PDGFRL: variants seen among roughly 807,000 people sequenced by gnomAD.
The protein encoded by PDGFRL is platelet derived growth factor receptor like.
Under a neutral mutation model 37.2 loss-of-function variants are expected in PDGFRL, and 46 were observed. That is an observed-to-expected ratio of 1.24 (90% CI 0.98 to 1.58). The LOEUF (loss-of-function observed/expected upper bound fraction) is 1.58, where lower values mean the gene tolerates loss of function less well. Among genes scored for constraint, PDGFRL ranks in the 40% most tolerant of loss-of-function variants. The pLI is 0.00. For synonymous variants in PDGFRL, 251 were observed against 184.3 expected (o/e 1.36, Z -2.93); for missense variants, 692 against 467.6 (o/e 1.48, Z -4.43).
chr8:17,625,610 G>A (rs1804718268), intron 3 of PDGFRL, among the ~76,000 whole-genome samples: 3 of 152,216 alleles, frequency 2.0e-5, no homozygotes, highest in Admixed American at 2.0e-4. Context: ...GGAAGCTACG[G>A]ATTGCAAATA....
intron 1 of PDGFRL, among the ~76,000 whole-genome samples, chr8:17,585,301 C>T (rs1390194890): frequency 1.5e-4 from 23 of 152,088 alleles, no homozygotes; most frequent in Admixed American, 1.4e-3. Context: ...ATGCCTTTAC[C>T]TCCTGGGAAT....
upstream of PDGFRL, chr8:17,576,838 G>T: frequency 3.2e-6 from 1 of 313,360 alleles, no homozygotes. Flanking sequence ...CTCAGGTTCT[G>T]CCTGAGGAGG....
intron 2 of PDGFRL, among the ~76,000 whole-genome samples, chr8:17,591,686 C>T (rs1461245499): frequency 6.6e-6 from 1 of 152,124 alleles, no homozygotes; most frequent in Non-Finnish European, 1.5e-5. Flanking sequence ...GAGGCCAAGG[C>T]GGGCGGATCG....
intron 2 of PDGFRL, among the ~76,000 whole-genome samples, chr8:17,604,254 T>C (rs1357172107): frequency 1.3e-5 from 2 of 152,210 alleles, no homozygotes; most frequent in African/African-American, 2.4e-5. Flanking sequence ...CAAAGAGTTA[T>C]AAATCATGCT....
chr8:17,620,789 A>C lies in PDGFRL; in HGVS notation c.354-262A>C, dbSNP rs1321377894. ...GCCGAATAATCCATCATGTTGCTCA[A>C]ATTGTTTTAGAATGAACTTTAAAAG... On this transcript the variant is annotated intron_variant, in intron 2 of 5. Transcript: ENST00000251630. Among the ~76,000 whole-genome samples the C allele has an allele frequency of 2.0e-5, 3 of 152,132 alleles. No individual in the cohort carries two copies. In the East Asian group the frequency reaches 5.8e-4, roughly 29 times the overall value.
chr8:17,596,591 A>G (rs1332050780), intron 2 of PDGFRL, among the ~76,000 whole-genome samples: 2 of 152,224 alleles, frequency 1.3e-5, no homozygotes, highest in African/African-American at 4.8e-5. Context: ...ATTAAAATGC[A>G]TTTGAAAACA....
At chr8:17,598,342 T>A (rs950251996) in intron 2 of PDGFRL, among the ~76,000 whole-genome samples, 1 of 152,220 alleles carries the variant, frequency 6.6e-6, no homozygotes, top group Non-Finnish European at 1.5e-5. Flanking sequence ...TTCTTTATAA[T>A]CTGGGATCTG....
At chr8:17,606,446 A>G (rs966305260) in intron 2 of PDGFRL, among the ~76,000 whole-genome samples, 4 of 152,178 alleles carry the variant, frequency 2.6e-5, no homozygotes, top group African/African-American at 9.7e-5. Flanking sequence ...GTGGCCAGTC[A>G]AAAGGAAACG....
chr8:17,621,992 C>T (rs1489676593), intron 3 of PDGFRL, among the ~76,000 whole-genome samples: 1 of 152,122 alleles, frequency 6.6e-6, no homozygotes, highest in African/African-American at 2.4e-5. Flanking sequence ...CTTGTGAATA[C>T]TATGAGCTGA....
chr8:17,605,880 C>T (rs987831493), intron 2 of PDGFRL, among the ~76,000 whole-genome samples: 1 of 152,078 alleles, frequency 6.6e-6, no homozygotes, highest in Non-Finnish European at 1.5e-5. Context: ...CCTCGGAAAA[C>T]AATAAATAGC....
At chr8:17,577,501 G>A (rs1398555207) in intron 1 of PDGFRL, among the ~76,000 whole-genome samples, 194 bp downstream of exon 1, 2 of 151,938 alleles carry the variant, frequency 1.3e-5, no homozygotes, top group African/African-American at 2.4e-5. Context: ...TGCCTGCCCG[G>A]AGAGCCCTCT....
intron 2 of PDGFRL, among the ~76,000 whole-genome samples, chr8:17,594,518 A>C (rs1456700435): frequency 6.6e-6 from 1 of 151,642 alleles, no homozygotes; most frequent in East Asian, 1.9e-4. Flanking sequence ...CTGGGATTCC[A>C]GGTGTAAGCC....
intron 2 of PDGFRL, among the ~76,000 whole-genome samples, chr8:17,593,469 A>T (rs1423988280): frequency 6.6e-6 from 1 of 151,092 alleles, no homozygotes; most frequent in East Asian, 1.9e-4. Context: ...TTTGTAGTGC[A>T]TTCCTGTAGT....
intron 2 of PDGFRL, among the ~76,000 whole-genome samples, chr8:17,604,266 C>A (rs2129674354): frequency 6.6e-6 from 1 of 152,238 alleles, no homozygotes; most frequent in East Asian, 1.9e-4. Context: ...AATCATGCTG[C>A]TATAAAGACA....
intron 2 of PDGFRL, among the ~76,000 whole-genome samples, chr8:17,605,173 G>C (rs970903181): frequency 1.3e-5 from 2 of 152,012 alleles, no homozygotes; most frequent in Non-Finnish European, 2.9e-5. Flanking sequence ...AGGAGGGAGA[G>C]AGACTGAAAG....
At chr8:17,602,584 G>A (rs950937602) in intron 2 of PDGFRL, among the ~76,000 whole-genome samples, 1 of 152,130 alleles carries the variant, frequency 6.6e-6, no homozygotes, top group Non-Finnish European at 1.5e-5. Flanking sequence ...TTTTCTTGGT[G>A]GAATAGCTTT....
chr8:17,605,988 G>A (rs1158037184), intron 2 of PDGFRL, among the ~76,000 whole-genome samples: 2 of 152,194 alleles, frequency 1.3e-5, no homozygotes, highest in South Asian at 2.1e-4. Flanking sequence ...TGGGCCGATG[G>A]AGCAGAGAGT....
intron 2 of PDGFRL, among the ~76,000 whole-genome samples, chr8:17,617,297 T>C (rs985630707): frequency 8.6e-5 from 13 of 151,822 alleles, no homozygotes; most frequent in Non-Finnish European, 1.8e-4. Flanking sequence ...TAATGTGAAT[T>C]CTGCTTCTCT....
At position 17,603,062 on chromosome 8, in the gene PDGFRL, A is replaced by C. The variant is rs113201614; in HGVS notation, c.353+13297A>C. On this transcript the variant is annotated intron_variant, in intron 2 of 5. Coordinates refer to ENST00000251630, the MANE Select transcript of PDGFRL (RefSeq NM_001372073.1). The stretch of plus-strand genomic sequence containing the variant: ...CAGTGGCACGATCTCAGCTTACTGC[A>C]ACCTCTGCCTCCTGGGTTCAGGTGA... Among the ~76,000 whole-genome samples the C allele has an allele frequency of 5.3e-3, 810 of 152,252 alleles. 17 individuals carry two copies. The highest frequency in any genetic ancestry group is 0.019 in the African/African-American group (779 of 41,538).
Sources: allele counts gnomAD v4.1 joint callset (sites outside exome capture counted in the v4.1 genomes callset), GRCh38; gene constraint gnomAD v4.1.1; transcripts MANE v1.5; gene names NCBI Gene and HGNC (gene_info 2026-07-23, HGNC 2026-07-21).